The following MDN1 variants were observed in gnomAD, a reference collection of about 807,000 sequenced individuals.
MDN1 encodes midasin.
Under a neutral mutation model 669.2 loss-of-function variants are expected in MDN1, and 266 were observed. That is an observed-to-expected ratio of 0.40 (90% CI 0.36 to 0.44). The LOEUF is 0.44. MDN1 is among the 20% of genes least tolerant of loss of function. The probability of loss-of-function intolerance (pLI) is 1.00; values close to 1 mark genes in which losing one functional copy is unlikely to be tolerated. For synonymous variants in MDN1, 2,385 were observed against 2,457.1 expected (o/e 0.97, Z 0.87); for missense variants, 5,940 against 6,754.0 (o/e 0.88, Z 4.22).
At chr6:89,769,600 G>C (rs1485130468) in intron 15 of MDN1, among the ~76,000 whole-genome samples, 1 of 152,156 alleles carries the variant, frequency 6.6e-6, no homozygotes, top group East Asian at 1.9e-4. Context: ...AGGCTCAAGT[G>C]ATCTTTTCAA....
At chr6:89,816,631 G>C (rs939503872) in intron 1 of MDN1, among the ~76,000 whole-genome samples, 1 of 151,026 alleles carries the variant, frequency 6.6e-6, no homozygotes, top group Non-Finnish European at 1.5e-5. Flanking sequence ...TTACCTGGAG[G>C]CTTCATTTGC....
At chr6:89,798,407 C>T (rs1031673637) in intron 2 of MDN1, among the ~76,000 whole-genome samples, 11 of 151,662 alleles carry the variant, frequency 7.3e-5, no homozygotes, top group Non-Finnish European at 1.6e-4. Context: ...GAGGCTGAGG[C>T]AGGAGAATCA....
intron 13 of MDN1, among the ~76,000 whole-genome samples, chr6:89,773,438 G>T (rs560589551): frequency 2.6e-5 from 4 of 151,596 alleles, no homozygotes; most frequent in Non-Finnish European, 5.9e-5. Context: ...TACTCGGGAG[G>T]CTGAGGCAGG....
In MDN1 at chr6:89,696,432, C is replaced by A; in HGVS notation, c.9311G>T (p.Arg3104Ile). The A allele has an allele frequency of 6.2e-7, 1 of 1,614,194 alleles. No individual in the cohort carries two copies. Among genetic ancestry groups the A allele is most frequent in the Non-Finnish European group, 8.5e-7 (1 of 1,180,032 alleles). ...ACTGATGTCCTGGAGCTGCTGAGTT[C>A]TCTCAACCCACTCTCCTAGGGTCAC... The part of the protein sequence containing the change: ...SHVTLGEWVE[R>I]TQQLQDISSM... Residue 3104 changes from arginine (R) to isoleucine (I), a missense_variant, in exon 60 of 102, where the codon AGA becomes ATA. Physicochemically the swap from Arg to Ile is moderately conservative, Grantham distance 97. Transcript: ENST00000369393.
chr6:89,801,667 A>C (rs975216935), intron 2 of MDN1, among the ~76,000 whole-genome samples: 3 of 151,900 alleles, frequency 2.0e-5, no homozygotes, highest in African/African-American at 4.8e-5. Context: ...AAACAAAACA[A>C]AACACAACAC....
chr6:89,796,356 A>T (rs1314751873), intron 2 of MDN1, among the ~76,000 whole-genome samples: 2 of 151,196 alleles, frequency 1.3e-5, no homozygotes, highest in Non-Finnish European at 2.9e-5. Flanking sequence ...AAAAACAAAA[A>T]AAAAAACCAA....
intron 38 of MDN1, among the ~76,000 whole-genome samples, 157 bp from the exon 39 acceptor site, chr6:89,723,776 G>A (rs1315142272): frequency 6.6e-6 from 1 of 151,968 alleles, no homozygotes; most frequent in African/African-American, 2.4e-5. Context: ...TTTGTGTTTT[G>A]AGAATAAAGA....
At chr6:89,646,751 G>C in intron 99 of MDN1, 148 bp from the exon 100 acceptor site, 1 of 648,082 alleles carries the variant, frequency 1.5e-6, no homozygotes, top group South Asian at 1.9e-5. Flanking sequence ...CCTTCTGGCC[G>C]TATGTAGTTA....
At chr6:89,736,942 G>A (rs1816012975) in intron 33 of MDN1, among the ~76,000 whole-genome samples, 1 of 152,206 alleles carries the variant, frequency 6.6e-6, no homozygotes, top group African/African-American at 2.4e-5. Context: ...GGCATCACCT[G>A]AGGCTTTGTT....
At chr6:89,748,036 T>C (rs935621026) in intron 26 of MDN1, among the ~76,000 whole-genome samples, 2 of 151,234 alleles carry the variant, frequency 1.3e-5, no homozygotes, top group Admixed American at 6.6e-5. Flanking sequence ...AGATGATTAA[T>C]AGTAATGCAA....
In MDN1 at chr6:89,718,399, G is replaced by A. The variant is rs749233655; in HGVS notation, c.6550C>T (p.Leu2184Phe). The A allele has an allele frequency of 5.6e-6, 9 of 1,613,862 alleles. No homozygotes were observed. In the South Asian group the frequency reaches 7.7e-5, roughly 14 times the overall value. The change falls in exon 43 of 102, where the codon CTC becomes TTC. Residue 2184 changes from leucine to phenylalanine, a missense_variant. By Grantham distance (22) the Leu-to-Phe change is conservative. Coordinates refer to ENST00000369393, the MANE Select transcript of MDN1 (RefSeq NM_014611.3). ...CAGTATGAGTTGATTTTATTGTTGAGTCGCTGCATAAGCAATAACACTGCT... is the reference window on the plus strand; with the variant it reads ...CAGTATGAGTTGATTTTATTGTTGAATCGCTGCATAAGCAATAACACTGCT... The part of the protein sequence containing the change: ...LEAVLLLMQR[L>F]NNKINSYCKA...
At chr6:89,711,942 A>T (rs929568854) in intron 49 of MDN1, 94 bp downstream of exon 49, 2 of 1,127,234 alleles carry the variant, frequency 1.8e-6, no homozygotes, top group Non-Finnish European at 2.5e-6. Context: ...TAATTTTAAC[A>T]GTGTAGTCAC....
rs9342211 is a variant in MDN1, at chr6:89,812,165, T to C, written c.102+7341A>G. ...CACACCCGGCTAATTTTTGTATTTTTAGTAGAGACGGGGTTTCACTATGTT... is the reference window on the plus strand; with the variant it reads ...CACACCCGGCTAATTTTTGTATTTTCAGTAGAGACGGGGTTTCACTATGTT... On this transcript the variant is annotated intron_variant, in intron 1 of 101. Coordinates refer to ENST00000369393, the MANE Select transcript of MDN1 (RefSeq NM_014611.3). Among the ~76,000 whole-genome samples, 8 of 152,006 alleles carry C rather than the reference T, an allele frequency of 5.3e-5. No homozygotes were observed. The East Asian group carries it at 1.6e-3, about 30-fold the overall frequency.
Position 89,653,943 on chromosome 6 carries a change from C to T in MDN1, c.15661+221G>A, listed in dbSNP as rs548920831. ...GAGATTTTGCCAGAAATTCAAGTTT[C>T]AGGGGACTCCTTAAAGGATGGTGTC... On this transcript the variant is annotated intron_variant, in intron 93 of 101. Coordinates refer to ENST00000369393, the MANE Select transcript of MDN1 (RefSeq NM_014611.3). Among the ~76,000 whole-genome samples the T allele has an allele frequency of 2.0e-5, 3 of 152,274 alleles. 1 individual carries two copies. The South Asian group carries it at 6.2e-4, about 32-fold the overall frequency.
chr6:89,680,539 C>A, intron 74 of MDN1, 50 bp downstream of exon 74: 1 of 1,594,726 alleles, frequency 6.3e-7, no homozygotes, highest in South Asian at 1.1e-5. Context: ...CCTCCTGCGC[C>A]ACTGGGGAAA....
intron 10 of MDN1, among the ~76,000 whole-genome samples, chr6:89,780,611 A>T (rs971655643): frequency 6.6e-6 from 1 of 151,584 alleles, no homozygotes; most frequent in Non-Finnish European, 1.5e-5. Flanking sequence ...GGGAGCAACC[A>T]ATCAGATCAG....
At chr6:89,806,393 T>A (rs1206335239) in intron 1 of MDN1, among the ~76,000 whole-genome samples, 1 of 151,946 alleles carries the variant, frequency 6.6e-6, no homozygotes, top group Non-Finnish European at 1.5e-5. Context: ...TAAGATGCCA[T>A]CTCTTCAAAA....
At chr6:89,780,092 T>C in intron 11 of MDN1, 120 bp downstream of exon 11, 1 of 532,024 alleles carries the variant, frequency 1.9e-6, no homozygotes. Flanking sequence ...AAAAAAAGAA[T>C]AACAAACCAT....
chr6:89,750,728 G>C (rs549756551), intron 23 of MDN1, among the ~76,000 whole-genome samples, 196 bp from the exon 24 acceptor site: 1 of 152,036 alleles, frequency 6.6e-6, no homozygotes, highest in Non-Finnish European at 1.5e-5. Context: ...TCAGCCTCTT[G>C]AGTAGCTGGG....
Sources: gnomAD v4.1 joint callset for allele counts (sites outside exome capture counted in the v4.1 genomes callset) on GRCh38, gnomAD v4.1.1 for gene constraint, MANE v1.5 for transcripts, NCBI Gene and HGNC (gene_info 2026-07-23, HGNC 2026-07-21) for gene names.